Variants in RHOV observed in about 807,000 individuals in gnomAD.
RHOV encodes ras homolog family member V.
Under a neutral mutation model 20.2 loss-of-function variants are expected in RHOV, and 6 were observed. That is an observed-to-expected ratio of 0.30 (90% CI 0.16 to 0.59). The LOEUF (loss-of-function observed/expected upper bound fraction) is 0.59. Ranked by LOEUF, RHOV falls within the 20% of genes least tolerant of loss-of-function variation. RHOV has a pLI of 0.89. For synonymous variants in RHOV, 136 were observed against 142.3 expected (o/e 0.96, Z 0.31); for missense variants, 275 against 319.4 (o/e 0.86, Z 1.06).
chr15:40,873,061 A>G lies in RHOV; in HGVS notation c.708T>C (p.Val236=). Residue 236 remains valine (V), a synonymous_variant, in exon 3 of 3, where the codon GTT becomes GTC. Coordinates refer to ENST00000220507, the MANE Select transcript of RHOV (RefSeq NM_133639.4). ...CTTGCTATGCAGCCATAGCTGCTCA[A>G]ACGAAGCAGAAGAACTTCTTCCAGC... ...RCRWKKFFCF[V] is the part of the protein sequence containing the mutation. 6.2e-7 allele frequency: 1 copy of G among 1,612,454 alleles called. No homozygotes were observed. The highest frequency in any genetic ancestry group is 1.3e-5 in the African/African-American group (1 of 75,050).
chr15:40,873,834 G>A, intron 1 of RHOV, 92 bp from the exon 2 acceptor site: 1 of 1,540,450 alleles, frequency 6.5e-7, no homozygotes, highest in South Asian at 1.2e-5. Context: ...CTCCTCCCCG[G>A]GGTCCTCTGC....
At position 40,874,136 on chromosome 15, in the gene RHOV, G is replaced by A; in HGVS notation, c.4C>T (p.Pro2Ser). 7.6e-7 allele frequency: 1 copy of A among 1,320,766 alleles called. No individual in the cohort carries two copies. Among genetic ancestry groups the A allele is most frequent in the Non-Finnish European group, 9.7e-7 (1 of 1,035,082 alleles). 81.8% of individuals were successfully genotyped at this position (1,320,766 alleles called of 1,614,324 possible). A position where few individuals can be genotyped will look rare whatever the true frequency, so the allele number is the denominator to read the frequency against. Residue 2 changes from proline to serine, a missense_variant, in exon 1 of 3, where the codon CCG (proline) becomes TCG (serine). Transcript: ENST00000220507. ...TCGGCCTCGCTCAGCTCCCGCGGCG[G>A]CATGGCCCGCTCCGGGGGCAGCAGA... M[P>S]PRELSEAEPP...
intron 1 of RHOV, 43 bp downstream of exon 1, chr15:40,873,889 C>A (rs749438672): frequency 6.3e-7 from 1 of 1,575,950 alleles, no homozygotes; most frequent in Non-Finnish European, 8.7e-7. Flanking sequence ...GTGCACAGCC[C>A]CGCCGCAGCC....
Position 40,873,233 on chromosome 15 carries a change from C to T in RHOV, c.536G>A (p.Arg179Gln), listed in dbSNP as rs1463691429. ...PQAQGLAEKI[R>Q]ACCYLECSAL... Reference sequence around the variant, plus strand: ...TGAGCACTCAAGGTAGCAGCAGGCTCGGATCTTCTCGGCCAGACCCTGAGC... The same window carrying T: ...TGAGCACTCAAGGTAGCAGCAGGCTTGGATCTTCTCGGCCAGACCCTGAGC... Residue 179 changes from arginine to glutamine, a missense_variant, in exon 3 of 3, where the codon CGA becomes CAA. Coordinates refer to ENST00000220507, the MANE Select transcript of RHOV (RefSeq NM_133639.4). The T allele has an allele frequency of 6.2e-7, 1 of 1,614,206 alleles. No homozygotes were observed. The highest frequency in any genetic ancestry group is 1.1e-5 in the South Asian group (1 of 91,088).
rs866692221 is a variant in RHOV, at chr15:40,873,934, GAGA to G, written c.203_205del (p.Phe68del). The G allele has an allele frequency of 1.2e-6, 2 of 1,610,132 alleles. No individual in the cohort carries two copies. The highest frequency in any genetic ancestry group is 1.7e-6 in the Non-Finnish European group (2 of 1,178,374). On this transcript the variant is annotated inframe_deletion, in exon 1 of 3. Transcript: ENST00000220507. ...CACGGGCGATTGAACGTACGTACCA[GAGA>G]AGGTGTCCAGCGCAGTGGGCCGGTA...
Position 40,873,747 on chromosome 15 carries a change from A to AGGGGC in RHOV, c.209-10_209-6dup, listed in dbSNP as rs764153989. On this transcript the variant is annotated splice_region_variant and splice_polypyrimidine_tract_variant and intron_variant, in intron 1 of 2. Transcript: ENST00000220507. ...CTCCATCCACCAGGACTTGCACTGC[A>AGGGGC]GGGGCGGGGCGGGGAGAGCCTGAGT... 1.9e-6 allele frequency: 3 copies of AGGGGC among 1,612,944 alleles called. No individual in the cohort carries two copies. Among genetic ancestry groups the AGGGGC allele is most frequent in the South Asian group, 1.1e-5 (1 of 91,066 alleles).
rs2142027562 is a variant in RHOV, at chr15:40,874,106, GCGGCT to G, written c.29_33del (p.Glu10AlafsTer14). 7.0e-7 allele frequency: 1 copy of G among 1,432,778 alleles called. No individual in the cohort carries two copies. Among genetic ancestry groups the G allele is most frequent in the East Asian group, 2.9e-5 (1 of 34,194 alleles). The allele number at this position is 1,432,778 out of a possible 1,614,324, so 88.8% of individuals were successfully genotyped here. A position where few individuals can be genotyped will look rare whatever the true frequency, so the allele number is the denominator to read the frequency against. On this transcript the variant is annotated frameshift_variant, in exon 1 of 3. Coordinates refer to ENST00000220507, the MANE Select transcript of RHOV (RefSeq NM_133639.4). LOFTEE classifies it high-confidence loss of function. ...GGAGGGGTCGGGGCCCGGAGCGGGG[GCGGCT>G]CGGCCTCGCTCAGCTCCCGCGGCGG...
In RHOV at chr15:40,873,478, G is replaced by A. The variant is rs1340139543; in HGVS notation, c.291C>T (p.Ser97=). Residue 97 remains serine (S), a synonymous_variant, in exon 3 of 3, where the codon TCC becomes TCT. Coordinates refer to ENST00000220507, the MANE Select transcript of RHOV (RefSeq NM_133639.4). ...AGQEDFDRLR[S]LCYPDTDVFL... ...AGACATCGGTATCCGGGTAGCAAAG[G>A]GAACGAAGTCGGTCAAAATCCTCCT... 6.3e-7 allele frequency: 1 copy of A among 1,597,476 alleles called. No individual in the cohort carries two copies. Among genetic ancestry groups the A allele is most frequent in the South Asian group, 1.1e-5 (1 of 88,976 alleles).
chr15:40,873,536 C>A (rs1173303244), intron 2 of RHOV, 35 bp from the exon 3 acceptor site: 12 of 1,595,218 alleles, frequency 7.5e-6, no homozygotes, highest in Non-Finnish European at 1.0e-5. Flanking sequence ...AGGATTAGCC[C>A]CCCGACACAT....
rs1891910926 is a variant in RHOV at position 40,873,217 on chromosome 15, A to C, written c.552T>G (p.Leu184=). The part of the protein sequence containing the change: ...LAEKIRACCY[L]ECSALTQKNL... ...TCTTCTGCGTCAAGGCTGAGCACTC[A>C]AGGTAGCAGCAGGCTCGGATCTTCT... The change falls in exon 3 of 3, where the codon CTT becomes CTG. Residue 184 remains leucine, a synonymous_variant. Transcript: ENST00000220507. 2 of 1,614,238 alleles carry C rather than the reference A, an allele frequency of 1.2e-6. No homozygotes were observed. The highest frequency in any genetic ancestry group is 1.1e-5 in the South Asian group (1 of 91,090).
chr15:40,873,698 C>T lies in RHOV; in HGVS notation c.253G>A (p.Asp85Asn). 1.9e-6 allele frequency: 3 copies of T among 1,614,024 alleles called. No homozygotes were observed. Among genetic ancestry groups the T allele is most frequent in the Non-Finnish European group, 2.5e-6 (3 of 1,180,022 alleles). ...DGAPVRIELW[D>N]TAGQEDFDRL... ...CAGCTTCTCACCTGTCCCGCTGTGT[C>T]CCAGAGCTCAATGCGCACCGGAGCT... The change falls in exon 2 of 3, where the codon GAC becomes AAC. Residue 85 changes from aspartate to asparagine, a missense_variant. Physicochemically the swap from Asp to Asn is conservative, Grantham distance 23. Transcript: ENST00000220507.
Position 40,873,335 on chromosome 15 carries a change from G to T in RHOV, c.434C>A (p.Ala145Asp). 6.2e-7 allele frequency: 1 copy of T among 1,613,092 alleles called. No homozygotes were observed. The highest frequency in any genetic ancestry group is 2.2e-5 in the East Asian group (1 of 44,876). ...TACGTTGACATCGTCCCTCAGGTCGGCCTGGGTGCCCACCAGCAGCACAGG... is the reference window on the plus strand; with the variant it reads ...TACGTTGACATCGTCCCTCAGGTCGTCCTGGGTGCCCACCAGCAGCACAGG... ...QAPVLLVGTQADLRDDVNVLI... is the reference protein window; with the variant it reads ...QAPVLLVGTQDDLRDDVNVLI... The change falls in exon 3 of 3, where the codon GCC becomes GAC. Residue 145 changes from alanine to aspartate, a missense_variant. By Grantham distance (126) the Ala-to-Asp change is moderately radical (BLOSUM62 -2). Transcript: ENST00000220507.
Position 40,873,414 on chromosome 15 carries a change from GA to G in RHOV, c.354del (p.Gln119LysfsTer29), listed in dbSNP as rs1386557161. 14 of 1,613,010 alleles carry G rather than the reference GA, an allele frequency of 8.7e-6. No homozygotes were observed. The highest frequency in any genetic ancestry group is 1.2e-5 in the Non-Finnish European group (14 of 1,179,910). On this transcript the variant is annotated frameshift_variant, in exon 3 of 3. Transcript: ENST00000220507. LOFTEE classifies it high-confidence loss of function. ...GGCAGCCATTTCTCTGTGATGTTTT[GA>G]AAGGAGCTGGGCTGCACCACGCTGA... ...ACFSVVQPSSFQNITEKWLPE... is the reference protein window; with the variant it reads ...ACFSVVQPSSXQNITEKWLPE...
In RHOV at chr15:40,873,727, T is replaced by A. The variant is rs775937156; in HGVS notation, c.224A>T (p.Asp75Val). Residue 75 changes from aspartate (D) to valine (V), a missense_variant, in exon 2 of 3, where the codon GAT becomes GTT. Physicochemically the swap from Asp to Val is radical, Grantham distance 152. Coordinates refer to ENST00000220507, the MANE Select transcript of RHOV (RefSeq NM_133639.4). The part of the protein sequence containing the change: ...LDTFSVQVLV[D>V]GAPVRIELWD... ...GAGCTCAATGCGCACCGGAGCTCCATCCACCAGGACTTGCACTGCAGGGGC... is the reference window on the plus strand; with the variant it reads ...GAGCTCAATGCGCACCGGAGCTCCAACCACCAGGACTTGCACTGCAGGGGC... 2 of 1,613,734 alleles carry A rather than the reference T, an allele frequency of 1.2e-6. No individual in the cohort carries two copies. Among genetic ancestry groups the A allele is most frequent in the South Asian group, 2.2e-5 (2 of 91,068 alleles).
rs1254811850 is a variant in RHOV, at chr15:40,873,364, C to T, written c.405G>A (p.Gln135=). ...GGGTGCCCACCAGCAGCACAGGCGCCTGGGGGTTGTGCGTGCGGATCTCGG... is the reference window on the plus strand; with the variant it reads ...GGGTGCCCACCAGCAGCACAGGCGCTTGGGGGTTGTGCGTGCGGATCTCGG... ...WLPEIRTHNP[Q]APVLLVGTQA... Residue 135 remains glutamine, a synonymous_variant, in exon 3 of 3, where the codon CAG becomes CAA. Transcript: ENST00000220507. The T allele has an allele frequency of 1.9e-6, 3 of 1,613,230 alleles. No homozygotes were observed. The highest frequency in any genetic ancestry group is 1.3e-5 in the African/African-American group (1 of 74,918).
At position 40,874,054 on chromosome 15, in the gene RHOV, T is replaced by C; in HGVS notation, c.86A>G (p.Glu29Gly). Residue 29 changes from glutamate (E) to glycine (G), a missense_variant, in exon 1 of 3, where the codon GAG becomes GGG. Physicochemically the swap from Glu to Gly is moderately conservative, Grantham distance 98. Transcript: ENST00000220507. ...CACCAGCACGCACTTGATGCCCAGCTCTGGGGGCGCGCTACGCCGCCGCGG... is the reference window on the plus strand; with the variant it reads ...CACCAGCACGCACTTGATGCCCAGCCCTGGGGGCGCGCTACGCCGCCGCGG... ...PPPRRRSAPP[E>G]LGIKCVLVGD... The C allele has an allele frequency of 6.4e-7, 1 of 1,568,196 alleles. No homozygotes were observed.
In RHOV at chr15:40,873,869, C is replaced by T. The variant is rs890422847; in HGVS notation, c.208+63G>A. 7.1e-6 allele frequency: 11 copies of T among 1,554,406 alleles called. No homozygotes were observed. In the African/African-American group the frequency reaches 1.4e-4, roughly 19 times the overall value. On this transcript the variant is annotated intron_variant, in intron 1 of 2. Transcript: ENST00000220507. ...CGCCCTCCCGCCGAGACGCCCGCCC[C>T]AGCTCCCCGGTGCACAGCCCCGCCG...
chr15:40,874,231 G>A lies in RHOV; in HGVS notation c.-92C>T. 1 of 521,316 alleles carries A rather than the reference G, an allele frequency of 1.9e-6. No homozygotes were observed. Among genetic ancestry groups the A allele is most frequent in the Non-Finnish European group, 3.1e-6 (1 of 322,640 alleles). 32.3% of individuals were successfully genotyped at this position (521,316 alleles called of 1,614,324 possible). A position where few individuals can be genotyped will look rare whatever the true frequency, so the allele number is the denominator to read the frequency against. On this transcript the variant is annotated 5_prime_UTR_variant, in exon 1 of 3. Transcript: ENST00000220507. ...TCCCGCTGGCTGCCTCTGACTGAAT[G>A]GGTCCAGGCTGGGCGAGTCGGCCCA...
In RHOV at chr15:40,873,330, G is replaced by T. The variant is rs755674136; in HGVS notation, c.439C>A (p.Leu147Met). The change falls in exon 3 of 3, where the codon CTG becomes ATG. Residue 147 changes from leucine to methionine, a missense_variant. Physicochemically the swap from Leu to Met is conservative, Grantham distance 15 (BLOSUM62 2). Coordinates refer to ENST00000220507, the MANE Select transcript of RHOV (RefSeq NM_133639.4). ...ATTAGTACGTTGACATCGTCCCTCA[G>T]GTCGGCCTGGGTGCCCACCAGCAGC... ...PVLLVGTQAD[L>M]RDDVNVLIQL... 1 of 1,613,116 alleles carries T rather than the reference G, an allele frequency of 6.2e-7. No individual in the cohort carries two copies. Among genetic ancestry groups the T allele is most frequent in the Non-Finnish European group, 8.5e-7 (1 of 1,179,974 alleles).
Sources: allele counts gnomAD v4.1 joint callset, GRCh38; gene constraint gnomAD v4.1.1; transcripts MANE v1.5; gene names NCBI Gene and HGNC (gene_info 2026-07-23, HGNC 2026-07-21).